HSPA14: variants seen among roughly 807,000 people sequenced by gnomAD.
HSPA14 encodes the protein heat shock protein family A (Hsp70) member 14.
A neutral mutation model predicts 65.5 loss-of-function variants in HSPA14; 37 were observed. That is an observed-to-expected ratio of 0.56 (90% confidence interval 0.43 to 0.74). The LOEUF (loss-of-function observed/expected upper bound fraction) is 0.74, where lower values mean the gene tolerates loss of function less well. Among genes scored for constraint, HSPA14 ranks in the 30% least tolerant of loss-of-function variants. The pLI, the probability that HSPA14 is intolerant of heterozygous loss-of-function variation, is 0.00. For missense variants in HSPA14, 564 were observed against 607.6 expected (o/e 0.93, Z 0.75); for synonymous variants, 203 against 214.2 (o/e 0.95, Z 0.46).
At chr10:14,850,056 C>A (rs1007112512) in intron 6 of HSPA14, among the ~76,000 whole-genome samples, 1 of 152,086 alleles carries the variant, frequency 6.6e-6, no homozygotes, top group Non-Finnish European at 1.5e-5. Context: ...GGTGGACCAC[C>A]TGAGGTCAGG....
rs1195923809 is a variant in HSPA14 at position 14,852,438 on chromosome 10, T to C, written c.641T>C (p.Ile214Thr). The change falls in exon 8 of 14, where the codon ATA (isoleucine) becomes ACA (threonine). Residue 214 changes from isoleucine to threonine, a missense_variant. Coordinates refer to ENST00000378372, the MANE Select transcript of HSPA14 (RefSeq NM_016299.4). ...SLSVMEVNSG[I>T]YRVLSTNTDD... Reference sequence around the variant, plus strand: ...AGCGTCATGGAAGTTAACAGTGGAATATATCGGGTTCTTTCAACAAACACT... The same window carrying C: ...AGCGTCATGGAAGTTAACAGTGGAACATATCGGGTTCTTTCAACAAACACT... The C allele has an allele frequency of 6.2e-7, 1 of 1,613,802 alleles. No individual in the cohort carries two copies. Among genetic ancestry groups the C allele is most frequent in the African/African-American group, 1.3e-5 (1 of 74,930 alleles).
intron 10 of HSPA14, among the ~76,000 whole-genome samples, chr10:14,861,043 G>C (rs2131645011): frequency 6.6e-6 from 1 of 152,290 alleles, no homozygotes; most frequent in Non-Finnish European, 1.5e-5. Flanking sequence ...AGTAGGGTGA[G>C]GCTTAACCTC....
intron 3 of HSPA14, chr10:14,844,151 T>C: frequency 7.7e-7 from 1 of 1,302,482 alleles, no homozygotes; most frequent in Non-Finnish European, 9.8e-7. Context: ...ATCCTAGCTT[T>C]GTCACAGATG....
rs753738915 is a variant in HSPA14, at chr10:14,848,643, G to C, written c.256G>C (p.Glu86Gln). The C allele has an allele frequency of 6.2e-7, 1 of 1,611,174 alleles. No homozygotes were observed. The highest frequency in any genetic ancestry group is 8.5e-7 in the Non-Finnish European group (1 of 1,178,024). The change falls in exon 4 of 14, where the codon GAA (glutamate) becomes CAA (glutamine). Residue 86 changes from glutamate to glutamine, a missense_variant. By Grantham distance (29) the Glu-to-Gln change is conservative (BLOSUM62 2). Coordinates refer to ENST00000378372, the MANE Select transcript of HSPA14 (RefSeq NM_016299.4). ...TCCACAAGCTCAGAAATACATCGCG[G>C]AAAGTAAATGTTTAGTGAGTATGGT... ...SDPQAQKYIA[E>Q]SKCLVIEKNG... is the part of the protein sequence containing the mutation.
In HSPA14 at chr10:14,847,109, A is replaced by G. The variant is rs994528998; in HGVS notation, c.222-1500A>G. 7 of 810,662 alleles carry G rather than the reference A, an allele frequency of 8.6e-6. No individual in the cohort carries two copies. In the Admixed American group the frequency reaches 2.5e-4, roughly 29 times the overall value. 50.2% of individuals were successfully genotyped at this position (810,662 alleles called of 1,614,324 possible). On this transcript the variant is annotated intron_variant, in intron 3 of 13. Coordinates refer to ENST00000378372, the MANE Select transcript of HSPA14 (RefSeq NM_016299.4). ...GGTCTTGCATGTCTGCAGCCCTCGG[A>G]GCTATATGTGCTTTCTGTCTTCAGA...
chr10:14,855,826 T>G lies in HSPA14; in HGVS notation c.891-15T>G. ...CTGTGTCTGTGTGTTTCTGTGTGTG[T>G]GTATGTGTGTACAGAGCAAGATTTG... On this transcript the variant is annotated splice_polypyrimidine_tract_variant and intron_variant, in intron 9 of 13. Transcript: ENST00000378372. The G allele has an allele frequency of 3.8e-6, 5 of 1,316,578 alleles. No homozygotes were observed. The highest frequency in any genetic ancestry group is 5.5e-6 in the Non-Finnish European group (5 of 912,166). The allele number at this position is 1,316,578 out of a possible 1,614,324, so 81.6% of individuals were successfully genotyped here.
intron 3 of HSPA14, chr10:14,845,046 G>C (rs1162015018): frequency 1.0e-6 from 1 of 985,332 alleles, no homozygotes; most frequent in Non-Finnish European, 1.2e-6. Context: ...AACACTAGAG[G>C]ATGGTGTGGA....
chr10:14,861,470 T>G (rs1832749834), intron 10 of HSPA14, among the ~76,000 whole-genome samples: 1 of 151,814 alleles, frequency 6.6e-6, no homozygotes, highest in African/African-American at 2.4e-5. Context: ...GGACTACAGG[T>G]GTGTGCCTTT....
chr10:14,863,595 T>G (rs1832775823), intron 10 of HSPA14, among the ~76,000 whole-genome samples: 1 of 152,190 alleles, frequency 6.6e-6, no homozygotes, highest in African/African-American at 2.4e-5. Flanking sequence ...TCCCTTCTTC[T>G]TGTGTCCACA....
intron 10 of HSPA14, among the ~76,000 whole-genome samples, chr10:14,860,005 A>C (rs1179497414): frequency 1.3e-5 from 2 of 152,168 alleles, no homozygotes; most frequent in Non-Finnish European, 2.9e-5. Flanking sequence ...CAAAGTTGGT[A>C]TCTGTTCAAA....
chr10:14,848,403 CT>C (rs1489240260), intron 3 of HSPA14, among the ~76,000 whole-genome samples: 1 of 152,150 alleles, frequency 6.6e-6, no homozygotes, highest in Non-Finnish European at 1.5e-5. Flanking sequence ...AAGATCAGTA[CT>C]TTAGTAGAAT....
rs1250278088 is a variant in HSPA14 at position 14,842,617 on chromosome 10, A to G, written c.221+2460A>G. On this transcript the variant is annotated intron_variant, in intron 3 of 13. Coordinates refer to ENST00000378372, the MANE Select transcript of HSPA14 (RefSeq NM_016299.4). The surrounding 1 kb of genome is among the most constrained non-coding windows in gnomAD (Gnocchi z 5.2). ...AGATAGTGACTGACCCAGACAACTT[A>G]ATGGAGGATGCTGCTTGGGCCAAGC... 1.3e-6 allele frequency: 2 copies of G among 1,536,064 alleles called. No individual in the cohort carries two copies. The highest frequency in any genetic ancestry group is 2.7e-5 in the African/African-American group (2 of 73,054).
chr10:14,840,267 T>G (rs1833956467), intron 3 of HSPA14, 110 bp downstream of exon 3: 1 of 452,282 alleles, frequency 2.2e-6, no homozygotes, highest in East Asian at 4.3e-5. Flanking sequence ...TTCATTGCTT[T>G]TTATGACTGA....
chr10:14,852,643 T>G, intron 8 of HSPA14, 112 bp downstream of exon 8: 1 of 869,636 alleles, frequency 1.1e-6, no homozygotes, highest in Non-Finnish European at 1.8e-6. Flanking sequence ...GGATGTGGTT[T>G]TTTCATTGCT....
intron 10 of HSPA14, among the ~76,000 whole-genome samples, chr10:14,864,360 C>A (rs1055965860): frequency 2.9e-5 from 4 of 136,508 alleles, no homozygotes; most frequent in Non-Finnish European, 4.6e-5. Flanking sequence ...ACTTTAAGTT[C>A]TAGGGTACAT....
intron 1 of HSPA14, 137 bp downstream of exon 1, chr10:14,838,596 G>A: frequency 1.2e-6 from 1 of 832,110 alleles, no homozygotes; most frequent in Non-Finnish European, 1.8e-6. Context: ...GGACACTCCG[G>A]AGCGAAGGGC....
intron 11 of HSPA14, 45 bp from the exon 12 acceptor site, chr10:14,867,691 A>G (rs1329095178): frequency 3.3e-6 from 5 of 1,537,978 alleles, no homozygotes; most frequent in South Asian, 1.2e-5. Flanking sequence ...TTTCAATTGT[A>G]AAGATAAATA....
chr10:14,848,521 A>T lies in HSPA14; in HGVS notation c.222-88A>T, dbSNP rs1834081637. 5 of 868,212 alleles carry T rather than the reference A, an allele frequency of 5.8e-6. No homozygotes were observed. In the East Asian group the frequency reaches 1.3e-4, roughly 22 times the overall value. 53.8% of individuals were successfully genotyped at this position (868,212 alleles called of 1,614,324 possible). A position where few individuals can be genotyped will look rare whatever the true frequency, so the allele number is the denominator to read the frequency against. On this transcript the variant is annotated intron_variant, in intron 3 of 13. Transcript: ENST00000378372. ...TTAATATTTTAGTATTTGTTCAGTG[A>T]TATTGTGAAATACAGTCTTCTCTAA...
chr10:14,853,698 T>A (rs1290242220), intron 8 of HSPA14, among the ~76,000 whole-genome samples: 1 of 152,198 alleles, frequency 6.6e-6, no homozygotes, highest in Non-Finnish European at 1.5e-5. Context: ...CGGAATAAAA[T>A]ATTGTTTCAC....
Sources: gnomAD v4.1 joint callset for allele counts (sites outside exome capture counted in the v4.1 genomes callset) on GRCh38, gnomAD v4.1.1 for gene constraint, Gnocchi (gnomAD v3.1) non-coding constraint, MANE v1.5 for transcripts, NCBI Gene and HGNC (gene_info 2026-07-23, HGNC 2026-07-21) for gene names.